Variants in CSMD1 observed in about 807,000 individuals in gnomAD.
The protein encoded by CSMD1 is CUB and sushi domain-containing protein 1.
Under a neutral mutation model 417.5 loss-of-function variants are expected in CSMD1, and 213 were observed. The observed-to-expected ratio is 0.51, with a 90% confidence interval of 0.46 to 0.57. CSMD1 has a LOEUF of 0.57. CSMD1 is among the 20% of genes least tolerant of loss of function. The pLI is 0.00. For synonymous variants in CSMD1, 2,862 were observed against 1,736.8 expected, an observed-to-expected ratio of 1.65 and a Z score of -16.11; for missense variants, 6,923 against 4,529.7, an observed-to-expected ratio of 1.53 and a Z score of -15.17.
chr8:4,343,157 T>C (rs1800576983), intron 3 of CSMD1, among the ~76,000 whole-genome samples: 1 of 152,152 alleles, frequency 6.6e-6, no homozygotes, highest in South Asian at 2.1e-4. Flanking sequence ...AAATGGGCAA[T>C]GTATTTGGTA....
At chr8:4,067,265 A>C (rs1799301208) in intron 3 of CSMD1, among the ~76,000 whole-genome samples, 1 of 152,244 alleles carries the variant, frequency 6.6e-6, no homozygotes, top group South Asian at 2.1e-4. Context: ...AAAACTAAGA[A>C]TCATAGCCGA....
At chr8:3,256,163 AC>A (rs1800636144) in intron 26 of CSMD1, among the ~76,000 whole-genome samples, 1 of 152,044 alleles carries the variant, frequency 6.6e-6, no homozygotes, top group Admixed American at 6.6e-5. Context: ...CCTCCTCTGT[AC>A]TAAAAATATA....
At chr8:4,285,006 A>C (rs554731309) in intron 3 of CSMD1, among the ~76,000 whole-genome samples, 1 of 152,326 alleles carries the variant, frequency 6.6e-6, no homozygotes, top group East Asian at 1.9e-4. Flanking sequence ...TATTTGTAAA[A>C]TGGGGATAAT....
At chr8:3,905,176 T>A (rs1357329585) in intron 5 of CSMD1, among the ~76,000 whole-genome samples, 1 of 152,128 alleles carries the variant, frequency 6.6e-6, no homozygotes, top group South Asian at 2.1e-4. Flanking sequence ...CAGGCAAACA[T>A]AGAAAAAATA....
intron 52 of CSMD1, among the ~76,000 whole-genome samples, chr8:3,003,908 G>C (rs1418326595): frequency 6.6e-6 from 1 of 152,166 alleles, no homozygotes; most frequent in Admixed American, 6.5e-5. Context: ...TGAAGACTAT[G>C]ATGTCAAATG....
At chr8:3,625,321 A>AT (rs1223252295) in intron 7 of CSMD1, among the ~76,000 whole-genome samples, 1 of 152,174 alleles carries the variant, frequency 6.6e-6, no homozygotes, top group Admixed American at 6.5e-5. Context: ...TCTCATACTA[A>AT]TGGATCTCCA....
At chr8:4,940,361 A>C (rs1472186038) in intron 1 of CSMD1, among the ~76,000 whole-genome samples, 1 of 152,232 alleles carries the variant, frequency 6.6e-6, no homozygotes, top group Admixed American at 6.5e-5. Flanking sequence ...TAAAATATGC[A>C]AATTGAGTGG....
chr8:4,977,578 G>A lies in CSMD1; in HGVS notation c.85+16754C>T, dbSNP rs1367626414. 3.3e-5 allele frequency among the ~76,000 whole-genome samples: 5 copies of A among 152,278 alleles called. No individual in the cohort carries two copies. In the South Asian group the frequency reaches 1.0e-3, roughly 32 times the overall value. On this transcript the variant is annotated intron_variant, in intron 1 of 69. Transcript: ENST00000635120. ...CAGTGGCTGGCTCCAGCCCGCCTTT[G>A]GGTGGATCTCACTGAAATCACTCTC... is the stretch of plus-strand genomic sequence containing the variant.
At chr8:2,960,852 A>G (rs1462025286) in intron 62 of CSMD1, among the ~76,000 whole-genome samples, 1 of 151,242 alleles carries the variant, frequency 6.6e-6, no homozygotes, top group Non-Finnish European at 1.5e-5. Flanking sequence ...AGAATCATGC[A>G]TGATTTCAAA....
At chr8:3,522,125 C>A (rs1487321861) in intron 10 of CSMD1, among the ~76,000 whole-genome samples, 2 of 152,092 alleles carry the variant, frequency 1.3e-5, no homozygotes, top group African/African-American at 4.8e-5. Flanking sequence ...ATTCTGTATT[C>A]TTTAAACTAC....
intron 5 of CSMD1, among the ~76,000 whole-genome samples, chr8:3,972,613 A>T (rs1263037457): frequency 1.3e-5 from 2 of 152,166 alleles, no homozygotes; most frequent in South Asian, 2.1e-4. Flanking sequence ...TTAATGTACT[A>T]CTAAGCCATT....
chr8:3,439,795 C>T (rs921034735), intron 12 of CSMD1, among the ~76,000 whole-genome samples: 12 of 152,052 alleles, frequency 7.9e-5, no homozygotes, highest in Non-Finnish European at 1.5e-4. Flanking sequence ...TTTACATTTA[C>T]ATTTAAGTCT....
intron 26 of CSMD1, among the ~76,000 whole-genome samples, chr8:3,243,468 G>T (rs1484340665): frequency 6.7e-6 from 1 of 150,310 alleles, no homozygotes; most frequent in Non-Finnish European, 1.5e-5. Context: ...ACAGTCAAAG[G>T]GGGTTGTTTT....
chr8:3,794,654 G>C (rs981742957), intron 5 of CSMD1, among the ~76,000 whole-genome samples: 10 of 151,766 alleles, frequency 6.6e-5, no homozygotes, highest in Non-Finnish European at 2.9e-5. Context: ...TAGAAGTTAT[G>C]TGATTATTTG....
rs529410281 is a variant in CSMD1, at chr8:4,916,198, T to C, written c.85+78134A>G. On this transcript the variant is annotated intron_variant, in intron 1 of 69. Transcript: ENST00000635120. ...TAGAGTCCTCTCCATGGGAGCATTG[T>C]GAGGCAGCTCCGTAGATGACCACAA... Among the ~76,000 whole-genome samples the C allele has an allele frequency of 2.0e-4, 30 of 152,318 alleles. No individual in the cohort carries two copies. The South Asian group carries it at 2.7e-3, about 14-fold the overall frequency.
intron 25 of CSMD1, among the ~76,000 whole-genome samples, chr8:3,286,303 T>G (rs1482641218): frequency 6.6e-6 from 1 of 152,194 alleles, no homozygotes; most frequent in Non-Finnish European, 1.5e-5. Flanking sequence ...GCATGTGTCT[T>G]TATAGCAGCA....
intron 3 of CSMD1, among the ~76,000 whole-genome samples, chr8:4,170,228 C>G (rs1210452259): frequency 1.3e-5 from 2 of 151,842 alleles, no homozygotes. Context: ...TATCTCTTCT[C>G]TTTCCCCATC....
chr8:3,256,827 CTTATT>C (rs1180311094), intron 26 of CSMD1, among the ~76,000 whole-genome samples: 6 of 152,164 alleles, frequency 3.9e-5, no homozygotes, highest in Admixed American at 3.3e-4. Context: ...TCACAGGATT[CTTATT>C]TTAATTTTTC....
At chr8:4,632,136 G>T (rs1049452540) in intron 2 of CSMD1, among the ~76,000 whole-genome samples, 1 of 152,204 alleles carries the variant, frequency 6.6e-6, no homozygotes, top group Non-Finnish European at 1.5e-5. Context: ...ATTTAGGAGA[G>T]AGTTACATTA....
Sources: allele counts gnomAD v4.1 joint callset (sites outside exome capture counted in the v4.1 genomes callset), GRCh38; gene constraint gnomAD v4.1.1; transcripts MANE v1.5; gene names NCBI Gene and HGNC (gene_info 2026-07-23, HGNC 2026-07-21).